The following SESN1 variants were observed in gnomAD, a reference collection of about 807,000 sequenced individuals.
SESN1 encodes sestrin-1.
Under a neutral mutation model 59.3 loss-of-function variants are expected in SESN1, and 30 were observed. The ratio of observed to expected loss-of-function variants is 0.51; its 90% CI spans 0.38 to 0.69. The LOEUF is 0.69. SESN1 is among the 30% of genes least tolerant of loss of function. The probability of loss-of-function intolerance (pLI) is 0.00; values close to 1 mark genes in which losing one functional copy is unlikely to be tolerated. For synonymous variants in SESN1, 197 were observed against 219.9 expected, an observed-to-expected ratio of 0.90 and a Z score of 0.92; for missense variants, 566 against 673.0, an observed-to-expected ratio of 0.84 and a Z score of 1.76.
At position 108,984,537 on chromosome 6, in the gene SESN1, A is replaced by G. The variant is rs977706479; in HGVS notation, c.*3007T>C. On this transcript the variant is annotated 3_prime_UTR_variant, in exon 10 of 10. Coordinates refer to ENST00000436639, the MANE Select transcript of SESN1 (RefSeq NM_014454.3). ...CACCTCCCAAAGGCCTACTTTTTTA[A>G]TATCACCACATTGAGGATTACATTT... 6.6e-6 allele frequency among the ~76,000 whole-genome samples: 1 copy of G among 152,150 alleles called. No homozygotes were observed. The highest frequency in any genetic ancestry group is 1.5e-5 in the Non-Finnish European group (1 of 68,018).
chr6:109,002,316 G>C lies in SESN1; in HGVS notation c.307C>G (p.Leu103Val), dbSNP rs2273668. Residue 103 changes from leucine to valine, a missense_variant, in exon 2 of 10, where the codon CTA (leucine) becomes GTA (valine). By Grantham distance (32) the Leu-to-Val change is conservative. Transcript: ENST00000436639. ...QELGIRIPRP[L>V]GQGPSRFIPE... The stretch of plus-strand genomic sequence containing the variant: ...ATGAATCTGCTTGGTCCCTGTCCTA[G>C]TGGTCGAGGAATTCTAATGCCAAGT... The C allele has an allele frequency of 8.1e-6, 13 of 1,612,942 alleles. No individual in the cohort carries two copies. Among genetic ancestry groups the C allele is most frequent in the African/African-American group, 1.3e-5 (1 of 74,876 alleles).
At chr6:109,088,400 T>C (rs1387117286) in intron 1 of SESN1, among the ~76,000 whole-genome samples, 1 of 151,866 alleles carries the variant, frequency 6.6e-6, no homozygotes. Flanking sequence ...GGATAGCAAC[T>C]AGATACTGCA....
chr6:109,087,137 A>C (rs1247967221), intron 1 of SESN1, among the ~76,000 whole-genome samples: 2 of 152,212 alleles, frequency 1.3e-5, no homozygotes, highest in African/African-American at 2.4e-5. Context: ...TCTCAAAATA[A>C]ATAAATAAAC....
At chr6:109,069,604 C>T (rs1456244443) in intron 1 of SESN1, among the ~76,000 whole-genome samples, 1 of 151,834 alleles carries the variant, frequency 6.6e-6, no homozygotes, top group Non-Finnish European at 1.5e-5. Context: ...GGCAGTGATA[C>T]AATCATAGCT....
chr6:108,999,410 A>G (rs1320956158), intron 4 of SESN1, among the ~76,000 whole-genome samples: 1 of 152,194 alleles, frequency 6.6e-6, no homozygotes, highest in African/African-American at 2.4e-5. Flanking sequence ...TATCTATTCT[A>G]TGAAATAGAT....
At chr6:109,052,288 T>A (rs1780553233) in intron 1 of SESN1, among the ~76,000 whole-genome samples, 3 of 152,038 alleles carry the variant, frequency 2.0e-5, no homozygotes. Context: ...CCAGAAATAT[T>A]TGAGAAAATT....
chr6:109,073,757 G>C (rs1780978742), intron 1 of SESN1, among the ~76,000 whole-genome samples: 1 of 152,160 alleles, frequency 6.6e-6, no homozygotes, highest in Non-Finnish European at 1.5e-5. Flanking sequence ...TATTAGAAGA[G>C]ACATTTCAGA....
chr6:109,093,129 A>T (rs569826100), intron 1 of SESN1, among the ~76,000 whole-genome samples: 15 of 152,296 alleles, frequency 9.8e-5, no homozygotes, highest in South Asian at 6.2e-4. Flanking sequence ...AAACTATAAT[A>T]TTTTTAACCT....
intron 1 of SESN1, among the ~76,000 whole-genome samples, chr6:109,011,976 T>C (rs962415677): frequency 6.6e-6 from 1 of 152,244 alleles, no homozygotes; most frequent in Non-Finnish European, 1.5e-5. Flanking sequence ...CAGATTTAAC[T>C]TTTGAAATGT....
intron 1 of SESN1, among the ~76,000 whole-genome samples, chr6:109,092,542 A>C (rs900209353): frequency 6.6e-6 from 1 of 152,228 alleles, no homozygotes. Flanking sequence ...CCTGACGGCA[A>C]AGGAAAGAAC....
intron 1 of SESN1, among the ~76,000 whole-genome samples, chr6:109,019,481 A>C (rs1779976089): frequency 1.3e-5 from 2 of 152,224 alleles, no homozygotes; most frequent in Admixed American, 1.3e-4. Context: ...TTATAGACCA[A>C]ACTCACCTTC....
intron 1 of SESN1, among the ~76,000 whole-genome samples, chr6:109,068,433 TA>T (rs2114462825): frequency 6.6e-6 from 1 of 152,060 alleles, no homozygotes; most frequent in East Asian, 1.9e-4. Context: ...AAGAACTGAA[TA>T]ATAGAACTGG....
intron 1 of SESN1, among the ~76,000 whole-genome samples, chr6:109,032,171 T>C (rs892895770): frequency 5.3e-5 from 8 of 150,056 alleles, no homozygotes; most frequent in South Asian, 2.1e-4. Context: ...ATTCGGGAGG[T>C]TGAGGCAGGA....
At chr6:109,075,273 A>G (rs141790762) in intron 1 of SESN1, among the ~76,000 whole-genome samples, 211 of 152,256 alleles carry the variant, frequency 1.4e-3, no homozygotes, top group African/African-American at 4.7e-3. Context: ...ATGGTTCCCA[A>G]TGGCTTTTAA....
At position 109,094,845 on chromosome 6, in the gene SESN1, G is replaced by C. The variant is rs1781474123; in HGVS notation, c.-772C>G. The C allele has an allele frequency of 6.6e-6, 1 of 152,472 alleles. No homozygotes were observed. Among genetic ancestry groups the C allele is most frequent in the Non-Finnish European group, 1.5e-5 (1 of 68,244 alleles). 9.4% of individuals were successfully genotyped at this position (152,472 alleles called of 1,614,324 possible). A position where few individuals can be genotyped will look rare whatever the true frequency, so the allele number is the denominator to read the frequency against. ...CTCGAGCGCCAGGCTGGGCCGCGGA[G>C]CTGGCGGGGCGGCGGGGCCCGAGGC... On this transcript the variant is annotated 5_prime_UTR_variant, in exon 1 of 10. Coordinates refer to ENST00000436639, the MANE Select transcript of SESN1 (RefSeq NM_014454.3).
chr6:109,001,566 CTAAG>C (rs1779626538), intron 2 of SESN1, 78 bp from the exon 3 acceptor site: 1 of 1,226,302 alleles, frequency 8.2e-7, no homozygotes, highest in Non-Finnish European at 1.2e-6. Context: ...GCGCTACACT[CTAAG>C]TATCATTTAG....
At chr6:109,046,616 G>T (rs968609186) in intron 1 of SESN1, among the ~76,000 whole-genome samples, 23 of 141,376 alleles carry the variant, frequency 1.6e-4, no homozygotes, top group African/African-American at 5.4e-4. Flanking sequence ...GCGCCCGGCC[G>T]CCATCCCATC....
At chr6:108,989,726 G>A (rs1055122264) in intron 8 of SESN1, among the ~76,000 whole-genome samples, 1 of 152,124 alleles carries the variant, frequency 6.6e-6, no homozygotes, top group Non-Finnish European at 1.5e-5. Flanking sequence ...CAGGGGCTGC[G>A]AGGAGAAGGA....
intron 1 of SESN1, among the ~76,000 whole-genome samples, chr6:109,062,007 T>C (rs191086466): frequency 1.3e-5 from 2 of 152,178 alleles, no homozygotes; most frequent in Admixed American, 1.3e-4. Flanking sequence ...AGAGAATGGA[T>C]CAAGTTAGGG....
Sources: gnomAD v4.1 joint callset for allele counts (sites outside exome capture counted in the v4.1 genomes callset) on GRCh38, gnomAD v4.1.1 for gene constraint, MANE v1.5 for transcripts, NCBI Gene and HGNC (gene_info 2026-07-23, HGNC 2026-07-21) for gene names.